The following PRKCQ variants were observed in gnomAD, a reference collection of about 807,000 sequenced individuals.
PRKCQ encodes protein kinase C theta type.
PRKCQ carries 41 observed loss-of-function variants against 91.2 expected under a neutral mutation model. The observed-to-expected ratio is 0.45, with a 90% CI of 0.35 to 0.58. The LOEUF is 0.58. PRKCQ is among the 20% of genes least tolerant of loss of function. The probability of loss-of-function intolerance (pLI) is 0.00; values close to 1 mark genes in which losing one functional copy is unlikely to be tolerated. For synonymous variants in PRKCQ, 307 were observed against 316.9 expected (o/e 0.97, Z 0.33); for missense variants, 673 against 896.5 (o/e 0.75, Z 3.18).
the PRKCQ span, among the ~76,000 whole-genome samples, chr10:6,410,879 A>G: frequency 4.6e-5 from 7 of 150,974 alleles, no homozygotes; most frequent in Non-Finnish European, 7.4e-5. Context: ...GGGGAGGCTG[A>G]GGCACGAGAA....
In PRKCQ at chr10:6,489,539, G is replaced by A. The variant is rs775241422; in HGVS notation, c.790+2144C>T. The A allele has an allele frequency of 2.9e-5, 14 of 490,942 alleles. No homozygotes were observed. In the Admixed American group the frequency reaches 3.0e-4, roughly 10 times the overall value. 30.4% of individuals were successfully genotyped at this position (490,942 alleles called of 1,614,324 possible). ...TAAGACGACGGCCTGCAAGGAGGCA[G>A]GATGAAAGGGAGGCAGAGAGGGAGG... On this transcript the variant is annotated intron_variant, in intron 8 of 17. Transcript: ENST00000263125.
intron 15 of PRKCQ, among the ~76,000 whole-genome samples, chr10:6,451,647 T>C (rs1040709632): frequency 6.6e-6 from 1 of 152,068 alleles, no homozygotes; most frequent in Non-Finnish European, 1.5e-5. Context: ...TAGACCAATA[T>C]CCTTGATGAA....
Position 6,434,434 on chromosome 10 carries a change from TG to T in PRKCQ, c.1837-3497del, listed in dbSNP as rs1326376807. ...GAGAAGAGCATATGGTCTCCAGCTC[TG>T]AGCGTCAATATTCTTTCCAGTTTTG... On this transcript the variant is annotated intron_variant, in intron 16 of 17. Transcript: ENST00000263125. Among the ~76,000 whole-genome samples the T allele has an allele frequency of 2.0e-5, 3 of 152,374 alleles. No individual in the cohort carries two copies. The East Asian group carries it at 5.8e-4, about 29-fold the overall frequency.
the PRKCQ span, among the ~76,000 whole-genome samples, chr10:6,419,997 C>CT: frequency 4.0e-5 from 6 of 149,686 alleles, no homozygotes; most frequent in East Asian, 2.0e-4. Flanking sequence ...CCGAAATCTC[C>CT]TTTTTTTTGA....
At chr10:6,458,134 C>T (rs1835123807) in intron 14 of PRKCQ, among the ~76,000 whole-genome samples, 2 of 152,206 alleles carry the variant, frequency 1.3e-5, no homozygotes, top group Admixed American at 6.5e-5. Context: ...CAAGGTCTCA[C>T]TATGTTGCCA....
At chr10:6,445,059 G>C (rs1226517459) in intron 15 of PRKCQ, among the ~76,000 whole-genome samples, 2 of 142,154 alleles carry the variant, frequency 1.4e-5, no homozygotes, top group Non-Finnish European at 3.0e-5. Context: ...GGGAGGTGGA[G>C]GCTGTAGTGA....
the PRKCQ span, among the ~76,000 whole-genome samples, chr10:6,394,464 C>G: frequency 1.3e-5 from 2 of 152,188 alleles, no homozygotes; most frequent in Admixed American, 1.3e-4. Context: ...GCAAGAGAGA[C>G]CAAAAAGCAA....
At chr10:6,407,630 A>G in the PRKCQ span, among the ~76,000 whole-genome samples, 2 of 150,380 alleles carry the variant, frequency 1.3e-5, no homozygotes, top group Admixed American at 7.0e-5. The surrounding 1 kb of genome is among the most constrained non-coding windows in gnomAD (Gnocchi z 4.0). Flanking sequence ...GTTCGCATAT[A>G]TGATGTGTGT....
At chr10:6,479,721 G>A (rs1836475785) in intron 11 of PRKCQ, among the ~76,000 whole-genome samples, 2 of 141,882 alleles carry the variant, frequency 1.4e-5, no homozygotes, top group Admixed American at 7.5e-5. Context: ...TCTGAGGTTA[G>A]GAGTTCGAGA....
At chr10:6,398,723 A>G in the PRKCQ span, among the ~76,000 whole-genome samples, 3 of 151,466 alleles carry the variant, frequency 2.0e-5, no homozygotes, top group Non-Finnish European at 2.9e-5. Flanking sequence ...ACGAGTCACA[A>G]TTTTAGAGCT....
chr10:6,542,288 G>T (rs1839804162), intron 1 of PRKCQ, among the ~76,000 whole-genome samples: 1 of 152,190 alleles, frequency 6.6e-6, no homozygotes, highest in Admixed American at 6.5e-5. Flanking sequence ...CAGGCTCAGT[G>T]GCTGTCTCAC....
In PRKCQ at chr10:6,430,949, G is replaced by A. The variant is rs761788732; in HGVS notation, c.1837-11C>T. 9 of 1,613,550 alleles carry A rather than the reference G, an allele frequency of 5.6e-6. No homozygotes were observed. In the East Asian group the frequency reaches 1.6e-4, roughly 28 times the overall value. On this transcript the variant is annotated splice_polypyrimidine_tract_variant and intron_variant, in intron 16 of 17. Coordinates refer to ENST00000263125, the MANE Select transcript of PRKCQ (RefSeq NM_006257.5). The surrounding 1 kb of genome is among the most constrained non-coding windows in gnomAD (Gnocchi z 4.7). ...TTCTCGCACGAAGAGCTGAAAGGGA[G>A]CAGAGCAGGAGCCCTGAGGTCTCCA...
intron 1 of PRKCQ, among the ~76,000 whole-genome samples, chr10:6,524,114 C>T (rs1286148972): frequency 6.6e-6 from 1 of 152,162 alleles, no homozygotes; most frequent in Non-Finnish European, 1.5e-5. Flanking sequence ...AGCACAATTA[C>T]CATCTTTCAA....
rs761258469 is a variant in PRKCQ, at chr10:6,491,684, A to G, written c.789T>C (p.Asp263=). ...WGLARQGLKC[D]ACGMNVHHRC... is the part of the protein sequence containing the mutation. ...ATGCTCATCCCCCACTGGACTCACC[A>G]TCACACTTGAGTCCTTGCCGTGCCA... The change falls in exon 8 of 18, where the codon GAT becomes GAC. Residue 263 remains aspartate (D), a splice_region_variant and synonymous_variant. Coordinates refer to ENST00000263125, the MANE Select transcript of PRKCQ (RefSeq NM_006257.5). 1.9e-6 allele frequency: 3 copies of G among 1,614,144 alleles called. No individual in the cohort carries two copies. The highest frequency in any genetic ancestry group is 2.2e-5 in the South Asian group (2 of 91,080).
At chr10:6,467,304 A>C in intron 12 of PRKCQ, among the ~76,000 whole-genome samples, 1 of 136,228 alleles carries the variant, frequency 7.3e-6, no homozygotes, top group African/African-American at 2.6e-5. Context: ...GCTGAGAGAG[A>C]GAGAGAGAGA....
chr10:6,560,573 C>T (rs1005269971), intron 1 of PRKCQ, among the ~76,000 whole-genome samples: 5 of 152,122 alleles, frequency 3.3e-5, no homozygotes, highest in Non-Finnish European at 7.3e-5. Flanking sequence ...TGCTGCACTT[C>T]GTGGCTATTC....
chr10:6,401,661 G>A, the PRKCQ span, among the ~76,000 whole-genome samples: 1 of 152,100 alleles, frequency 6.6e-6, no homozygotes, highest in African/African-American at 2.4e-5. Context: ...GGGCACTCTG[G>A]TCCCAAAGCT....
At chr10:6,441,843 A>G (rs1320986283) in intron 16 of PRKCQ, 50 bp downstream of exon 16, 2 of 1,525,384 alleles carry the variant, frequency 1.3e-6, no homozygotes, top group East Asian at 2.3e-5. Flanking sequence ...AAAACTGACC[A>G]GAAGACCTAA....
chr10:6,463,289 T>G (rs774645362), intron 13 of PRKCQ, among the ~76,000 whole-genome samples: 3 of 152,196 alleles, frequency 2.0e-5, no homozygotes, highest in Admixed American at 6.5e-5. Context: ...ATATAAGAGA[T>G]AGCTTCCTGG....
Sources: allele counts gnomAD v4.1 joint callset (sites outside exome capture counted in the v4.1 genomes callset), GRCh38; gene constraint gnomAD v4.1.1; non-coding constraint Gnocchi (gnomAD v3.1); transcripts MANE v1.5; gene names NCBI Gene and HGNC (gene_info 2026-07-23, HGNC 2026-07-21).